TBC1D5: variants seen among roughly 807,000 people sequenced by gnomAD.
The protein encoded by TBC1D5 is TBC1 domain family, member 5.
In TBC1D5, 75 loss-of-function variants were observed where a neutral mutation model predicts 100.3. The ratio of observed to expected loss-of-function variants is 0.75; its 90% CI spans 0.62 to 0.91. The LOEUF (loss-of-function observed/expected upper bound fraction) is 0.91. Among genes scored for constraint, TBC1D5 ranks in the 40% least tolerant of loss-of-function variants. TBC1D5 has a pLI of 0.00. For synonymous variants in TBC1D5, 323 were observed against 325.6 expected (o/e 0.99, Z 0.09); for missense variants, 910 against 942.4 (o/e 0.97, Z 0.45).
At chr3:17,623,319 G>A (rs752274950) in intron 2 of TBC1D5, among the ~76,000 whole-genome samples, 6 of 152,102 alleles carry the variant, frequency 3.9e-5, no homozygotes, top group Admixed American at 6.6e-5. Flanking sequence ...TGTATAATGC[G>A]TATCAGGACA....
At position 17,192,910 on chromosome 3, in the gene TBC1D5, A is replaced by T. The variant is rs371073822; in HGVS notation, c.1753-7702T>A. Reference sequence around the variant, plus strand: ...TCCCGACAGGATGGGTTTTCATAACAATCACTGAGCCCTTTTCCTTCTACC... The same window carrying T: ...TCCCGACAGGATGGGTTTTCATAACTATCACTGAGCCCTTTTCCTTCTACC... On this transcript the variant is annotated intron_variant, in intron 18 of 21. Coordinates refer to ENST00000253692, the Ensembl canonical transcript of TBC1D5. Among the ~76,000 whole-genome samples the T allele has an allele frequency of 2.1e-4, 32 of 152,330 alleles. No individual in the cohort carries two copies. The South Asian group carries it at 5.6e-3, about 27-fold the overall frequency.
intron 1 of TBC1D5, among the ~76,000 whole-genome samples, chr3:17,653,567 A>G (rs1350964990): frequency 6.6e-6 from 1 of 152,168 alleles, no homozygotes; most frequent in Non-Finnish European, 1.5e-5. Context: ...GAACTATCAC[A>G]CACTAGGGTA....
At chr3:17,701,303 A>ACAT (rs1254756381) in intron 1 of TBC1D5, among the ~76,000 whole-genome samples, 1 of 152,114 alleles carries the variant, frequency 6.6e-6, no homozygotes, top group African/African-American at 2.4e-5. Context: ...AAGGCGGGGA[A>ACAT]CATCACACAC....
Position 17,323,866 on chromosome 3 carries a change from G to A in TBC1D5, c.996-15732C>T, listed in dbSNP as rs945058508. ...GAAGAGCAAAGGACTAAAAATACTC[G>A]AAACAATTTTAAAAAGAAAAACAAA... On this transcript the variant is annotated intron_variant, in intron 13 of 21. Coordinates refer to ENST00000253692, the Ensembl canonical transcript of TBC1D5. 5.9e-5 allele frequency among the ~76,000 whole-genome samples: 9 copies of A among 152,154 alleles called. No homozygotes were observed. The East Asian group carries it at 7.7e-4, about 13-fold the overall frequency.
At chr3:17,379,724 T>C (rs931571544) in intron 9 of TBC1D5, among the ~76,000 whole-genome samples, 1 of 152,076 alleles carries the variant, frequency 6.6e-6, no homozygotes, top group Non-Finnish European at 1.5e-5. Context: ...ACACATACCA[T>C]GCTGTTTTTA....
exon 7 of TBC1D5, chr3:17,404,698 T>C (rs1352947408): frequency 6.2e-7 from 1 of 1,604,548 alleles, no homozygotes; most frequent in Non-Finnish European, 8.5e-7. Context: ...CTTTACCCCT[T>C]CATCCTGTGA....
intron 2 of TBC1D5, chr3:17,575,327 TAA>T (rs2096651470): frequency 6.8e-6 from 1 of 147,786 alleles, no homozygotes; most frequent in Non-Finnish European, 1.5e-5. Flanking sequence ...AAAAAAAAAA[TAA>T]AATAAAAATT....
intron 18 of TBC1D5, among the ~76,000 whole-genome samples, chr3:17,203,486 A>G (rs562530406): frequency 2.0e-5 from 3 of 152,232 alleles, no homozygotes; most frequent in Admixed American, 2.0e-4. Context: ...GCAATATGAG[A>G]AGGACATGAG....
chr3:17,669,525 T>C (rs1418224138), intron 1 of TBC1D5, among the ~76,000 whole-genome samples: 1 of 152,194 alleles, frequency 6.6e-6, no homozygotes, highest in African/African-American at 2.4e-5. Flanking sequence ...CCATGAATGT[T>C]TCCCACCTTC....
intron 18 of TBC1D5, among the ~76,000 whole-genome samples, chr3:17,199,134 C>T (rs762378465): frequency 1.3e-5 from 2 of 152,324 alleles, no homozygotes; most frequent in Admixed American, 6.5e-5. Flanking sequence ...ATTAGGACTG[C>T]TCATTTATTT....
chr3:17,723,989 C>A (rs1050330670), intron 1 of TBC1D5, among the ~76,000 whole-genome samples: 10 of 151,702 alleles, frequency 6.6e-5, no homozygotes, highest in African/African-American at 2.4e-4. Context: ...GAATATTTTC[C>A]AATTCTATCT....
intron 14 of TBC1D5, among the ~76,000 whole-genome samples, chr3:17,304,546 T>G (rs1481452812): frequency 3.3e-5 from 5 of 152,164 alleles, no homozygotes; most frequent in Non-Finnish European, 4.4e-5. Flanking sequence ...TAGCTAGGAC[T>G]ACAGGCACAA....
rs545309078 is a variant in TBC1D5, at chr3:17,423,071, T to C, written c.167+5379A>G. ...GAACAGCCTTTGACTTGGTGAGCTA[T>C]ATATAGCACATACTATACTGAGAAA... On this transcript the variant is annotated intron_variant, in intron 4 of 21. Coordinates refer to ENST00000253692, the Ensembl canonical transcript of TBC1D5. Among the ~76,000 whole-genome samples, 8 of 152,284 alleles carry C rather than the reference T, an allele frequency of 5.3e-5. No homozygotes were observed. The East Asian group carries it at 1.2e-3, about 22-fold the overall frequency.
chr3:17,376,755 A>C (rs1182910952), intron 9 of TBC1D5, 142 bp from the exon 10 acceptor site: 11 of 558,222 alleles, frequency 2.0e-5, no homozygotes, highest in Non-Finnish European at 3.0e-5. Flanking sequence ...AAAAACGGAA[A>C]GCTACAAGAT....
chr3:17,301,718 G>T (rs1032475485), intron 14 of TBC1D5, among the ~76,000 whole-genome samples: 3 of 152,160 alleles, frequency 2.0e-5, no homozygotes, highest in Non-Finnish European at 1.5e-5. Context: ...AAATCAATGA[G>T]AGCTAGAATA....
At chr3:17,448,066 A>G (rs1341786383) in intron 3 of TBC1D5, among the ~76,000 whole-genome samples, 1 of 152,218 alleles carries the variant, frequency 6.6e-6, no homozygotes, top group African/African-American at 2.4e-5. Flanking sequence ...TAGGAGGCTC[A>G]GACAGGCAGA....
At chr3:17,308,285 G>A in intron 13 of TBC1D5, 151 bp from the exon 14 acceptor site, 1 of 753,234 alleles carries the variant, frequency 1.3e-6, no homozygotes, top group Non-Finnish European at 1.9e-6. Flanking sequence ...TATATTTTAA[G>A]CTTTCAAATG....
chr3:17,695,219 A>G (rs1351568022), intron 1 of TBC1D5, among the ~76,000 whole-genome samples: 2 of 152,218 alleles, frequency 1.3e-5, no homozygotes, highest in African/African-American at 4.8e-5. Context: ...GAACATCATA[A>G]TGACAGGATC....
At position 17,533,074 on chromosome 3, in the gene TBC1D5, GACACACAC is replaced by G. The variant is rs9310518; in HGVS notation, c.-35-24477_-35-24470del. ...CCTGTCACACACACACACATACACA[GACACACAC>G]ACACACACACACACACACACACACT... On this transcript the variant is annotated intron_variant, in intron 2 of 21. Coordinates refer to ENST00000253692, the Ensembl canonical transcript of TBC1D5. 6.5e-3 allele frequency among the ~76,000 whole-genome samples: 945 copies of G among 145,046 alleles called. 14 individuals carry two copies. The highest frequency in any genetic ancestry group is 0.022 in the African/African-American group (873 of 40,008).
Sources: allele counts gnomAD v4.1 joint callset (sites outside exome capture counted in the v4.1 genomes callset), GRCh38; gene constraint gnomAD v4.1.1; transcripts MANE v1.5; gene names NCBI Gene and HGNC (gene_info 2026-07-23, HGNC 2026-07-21).